USP30: variants seen among roughly 807,000 people sequenced by gnomAD.
USP30 encodes the protein ubiquitin carboxyl-terminal hydrolase 30.
Under a neutral mutation model 68.2 loss-of-function variants are expected in USP30, and 41 were observed. The ratio of observed to expected loss-of-function variants is 0.60; its 90% CI spans 0.47 to 0.78. The LOEUF is 0.78. Among genes scored for constraint, USP30 ranks in the 30% least tolerant of loss-of-function variants. USP30 has a pLI of 0.00. For synonymous variants in USP30, 229 were observed against 253.7 expected (o/e 0.90, Z 0.93); for missense variants, 522 against 649.4 (o/e 0.80, Z 2.13).
chr12:109,037,470 G>A (rs934895704), intron 3 of USP30, among the ~76,000 whole-genome samples: 43 of 151,572 alleles, frequency 2.8e-4, no homozygotes, highest in African/African-American at 1.0e-3. Flanking sequence ...TACTTTTTTT[G>A]TTTCTTCACA....
At chr12:109,061,807 A>G (rs1347810615) in intron 3 of USP30, among the ~76,000 whole-genome samples, 1 of 152,134 alleles carries the variant, frequency 6.6e-6, no homozygotes, top group African/African-American at 2.4e-5. Context: ...CTTTATCAAT[A>G]CTCAACCCTG....
upstream of USP30, among the ~76,000 whole-genome samples, chr12:109,049,920 T>G (rs2040643773): frequency 6.6e-6 from 1 of 152,222 alleles, no homozygotes; most frequent in Non-Finnish European, 1.5e-5. Flanking sequence ...GCCAATAGAC[T>G]TGCTGTAGTC....
At chr12:109,028,606 T>C (rs762224642) in intron 3 of USP30, among the ~76,000 whole-genome samples, 1 of 152,080 alleles carries the variant, frequency 6.6e-6, no homozygotes, top group South Asian at 2.1e-4. Flanking sequence ...GCCTTCTGAG[T>C]AGCTGAGATT....
chr12:109,053,247 G>T (rs1457225540), intron 1 of USP30, among the ~76,000 whole-genome samples: 1 of 152,060 alleles, frequency 6.6e-6, no homozygotes, highest in African/African-American at 2.4e-5. Flanking sequence ...TGTTAGTACC[G>T]CCCCCTATTC....
chr12:109,048,722 A>C (rs2040629627), upstream of USP30, among the ~76,000 whole-genome samples: 1 of 143,212 alleles, frequency 7.0e-6, no homozygotes, highest in Non-Finnish European at 1.5e-5. Flanking sequence ...CCTGGGCAAC[A>C]GAGTGAGACT....
rs1421438081 is a variant in USP30, at chr12:109,067,628, G to A, written c.480+1G>A. ...GCAGATCTCATCATTTGAAGAACAG[G>A]TGAGTACAACATTTGAACAGGTTTA... On this transcript the variant is annotated splice_donor_variant, in intron 4 of 12. Coordinates refer to ENST00000257548, the MANE Select transcript of USP30 (RefSeq NM_032663.5). LOFTEE classifies it high-confidence loss of function. 1 of 1,613,518 alleles carries A rather than the reference G, an allele frequency of 6.2e-7. No individual in the cohort carries two copies. Among genetic ancestry groups the A allele is most frequent in the Non-Finnish European group, 8.5e-7 (1 of 1,179,508 alleles).
At chr12:109,029,255 T>C (rs935848927) in intron 3 of USP30, among the ~76,000 whole-genome samples, 3 of 152,156 alleles carry the variant, frequency 2.0e-5, no homozygotes, top group Admixed American at 6.5e-5. Flanking sequence ...TGAAAAGTGG[T>C]TCAACTGTCA....
intron 7 of USP30, among the ~76,000 whole-genome samples, chr12:109,076,400 A>G (rs185063295): frequency 8.2e-6 from 1 of 121,232 alleles, no homozygotes; most frequent in Admixed American, 1.0e-4. Context: ...TTCCAACCCA[A>G]TCTTTATTCC....
At position 109,040,802 on chromosome 12, in the gene USP30, G is replaced by A. The variant is rs914123164; in HGVS notation, c.-135-6788G>A. Among the ~76,000 whole-genome samples, 4 of 152,210 alleles carry A rather than the reference G, an allele frequency of 2.6e-5. No individual in the cohort carries two copies. In the South Asian group the frequency reaches 8.3e-4, roughly 31 times the overall value. ...CAAGTGTTTCAAGAAAAAGCAAAGT[G>A]GAAGCAACAATGTATTTTATGACCT... On this transcript the variant is annotated intron_variant, in intron 3 of 15. Coordinates refer to the USP30 transcript ENST00000392784.
chr12:109,041,644 A>G (rs1445385191), intron 3 of USP30, among the ~76,000 whole-genome samples: 2 of 152,128 alleles, frequency 1.3e-5, no homozygotes, highest in African/African-American at 4.8e-5. Context: ...CAAAAAAAAA[A>G]AGAAAAAAGA....
At chr12:109,083,816 TC>T (rs1226067095) in intron 11 of USP30, among the ~76,000 whole-genome samples, 1 of 152,042 alleles carries the variant, frequency 6.6e-6, no homozygotes, top group East Asian at 1.9e-4. Context: ...CTATTTAGGG[TC>T]CCTTACTCCT....
chr12:109,079,339 C>CTTTTTTTTTTTTTTTTTTTTTTTTTTTTT (rs750712233), intron 7 of USP30, among the ~76,000 whole-genome samples: 4 of 62,250 alleles, frequency 6.4e-5, no homozygotes, highest in Admixed American at 4.7e-4. Context: ...TTTTCTTTTT[C>CTTTTTTTTTTTTTTTTTTTTTTTTTTTTT]TTTTTTTTTT....
chr12:109,061,729 A>G (rs1348143202), intron 3 of USP30, among the ~76,000 whole-genome samples: 1 of 152,078 alleles, frequency 6.6e-6, no homozygotes, highest in Non-Finnish European at 1.5e-5. Flanking sequence ...TTTTTTAATT[A>G]TACAAGTAAT....
chr12:109,025,021 T>G (rs1024702591), exon 2 of USP30: 1 of 152,260 alleles, frequency 6.6e-6, no homozygotes, highest in Non-Finnish European at 1.5e-5. Context: ...GATGTGTGAA[T>G]GAGCACCATC....
intron 11 of USP30, among the ~76,000 whole-genome samples, 158 bp from the exon 12 acceptor site, chr12:109,084,795 T>C (rs1157215414): frequency 6.6e-6 from 1 of 152,230 alleles, no homozygotes; most frequent in Admixed American, 6.5e-5. Context: ...AGATTAAGGA[T>C]AAAGGGCAGA....
intron 3 of USP30, among the ~76,000 whole-genome samples, chr12:109,041,930 G>T (rs1057410354): frequency 2.0e-5 from 3 of 151,866 alleles, no homozygotes; most frequent in Non-Finnish European, 2.9e-5. Context: ...CATAAAGAAA[G>T]ACAAACTTAT....
At chr12:109,053,901 C>T (rs2040755522) in intron 1 of USP30, 2 of 405,866 alleles carry the variant, frequency 4.9e-6, no homozygotes, top group Non-Finnish European at 9.8e-6. Context: ...TGGTTTTAAG[C>T]ACAGACCTGG....
rs1003845950 is a variant in USP30, at chr12:109,052,712, G to A, written c.34G>A (p.Ala12Thr). ...CTCCCGGGCCGAGGCGGCGATGACC[G>A]CGGCCGACAGGGCCATCCAGCGCTT... is the stretch of plus-strand genomic sequence containing the variant. ...LSSRAEAAMT[A>T]ADRAIQRFLR... Residue 12 changes from alanine (A) to threonine (T), a missense_variant, in exon 1 of 13, where the codon GCG becomes ACG. By Grantham distance (58) the Ala-to-Thr change is moderately conservative. Transcript: ENST00000257548. 1 of 1,482,738 alleles carries A rather than the reference G, an allele frequency of 6.7e-7. No individual in the cohort carries two copies. The highest frequency in any genetic ancestry group is 1.5e-5 in the African/African-American group (1 of 68,248). 91.8% of individuals were successfully genotyped at this position (1,482,738 alleles called of 1,614,324 possible). A position where few individuals can be genotyped will look rare whatever the true frequency, so the allele number is the denominator to read the frequency against.
chr12:109,082,744 G>T lies in USP30; in HGVS notation c.948+1G>T, dbSNP rs1417836748. On this transcript the variant is annotated splice_donor_variant, in intron 10 of 12. Transcript: ENST00000257548. LOFTEE classifies it high-confidence loss of function. Reference sequence around the variant, plus strand: ...TGTTAAACAGTTAAAACTAGGGAAGGTGAGCCCACACTACACACCCTGTTG... The same window carrying T: ...TGTTAAACAGTTAAAACTAGGGAAGTTGAGCCCACACTACACACCCTGTTG... The T allele has an allele frequency of 6.2e-7, 1 of 1,613,840 alleles. No individual in the cohort carries two copies. The highest frequency in any genetic ancestry group is 8.5e-7 in the Non-Finnish European group (1 of 1,179,854).
Sources: gnomAD v4.1 joint callset for allele counts (sites outside exome capture counted in the v4.1 genomes callset) on GRCh38, gnomAD v4.1.1 for gene constraint, MANE v1.5 for transcripts, NCBI Gene and HGNC (gene_info 2026-07-23, HGNC 2026-07-21) for gene names.